The following DOCK3 variants were observed in gnomAD, a reference collection of about 807,000 sequenced individuals.
DOCK3 encodes the protein dedicator of cytokinesis protein 3.
DOCK3 carries 60 observed loss-of-function variants against 265.6 expected under a neutral mutation model. That is an observed-to-expected ratio of 0.23 (90% CI 0.18 to 0.28). The LOEUF (loss-of-function observed/expected upper bound fraction) is 0.28, where lower values mean the gene tolerates loss of function less well. Ranked by LOEUF, DOCK3 falls within the 10% of genes least tolerant of loss-of-function variation. The pLI, the probability that DOCK3 is intolerant of heterozygous loss-of-function variation, is 1.00. For synonymous variants in DOCK3, 881 were observed against 938.0 expected, an observed-to-expected ratio of 0.94 and a Z score of 1.11; for missense variants, 1,981 against 2,594.3, an observed-to-expected ratio of 0.76 and a Z score of 5.14.
In DOCK3 at chr3:51,381,498, C is replaced by T. The variant is rs782578329; in HGVS notation, c.6032C>T (p.Pro2011Leu). The change falls in exon 53 of 53, where the codon CCT (proline) becomes CTT (leucine). Residue 2011 changes from proline to leucine, a missense_variant. Pro to Leu is a moderately conservative substitution (Grantham distance 98, BLOSUM62 -3). Coordinates refer to ENST00000266037, the MANE Select transcript of DOCK3 (RefSeq NM_004947.5). The surrounding 1 kb of genome is among the most constrained non-coding windows in gnomAD (Gnocchi z 5.6). ...RGLHRKAPLP[P>L]GSAKEEQARM... ...CTGCACCGCAAGGCTCCATTGCCTC[C>T]TGGGAGCGCTAAGGAGGAGCAGGCC... The T allele has an allele frequency of 1.5e-5, 24 of 1,583,256 alleles. No individual in the cohort carries two copies. The South Asian group carries it at 2.7e-4, about 18-fold the overall frequency.
chr3:51,343,083 A>G (rs183907152), intron 38 of DOCK3, among the ~76,000 whole-genome samples: 2 of 152,200 alleles, frequency 1.3e-5, no homozygotes, highest in Non-Finnish European at 2.9e-5. Context: ...GGTTTTCAAG[A>G]AGAAAACCAT....
chr3:51,011,642 T>G (rs2078956027), intron 5 of DOCK3, among the ~76,000 whole-genome samples: 1 of 152,234 alleles, frequency 6.6e-6, no homozygotes, highest in South Asian at 2.1e-4. Flanking sequence ...TCATTCTCTA[T>G]CCAGCTTTGT....
At chr3:50,869,661 C>T (rs1475908892) in intron 3 of DOCK3, among the ~76,000 whole-genome samples, 1 of 151,344 alleles carries the variant, frequency 6.6e-6, no homozygotes, top group Admixed American at 6.6e-5. Flanking sequence ...TGTGAGCCAC[C>T]ATGTGCGACC....
At chr3:51,039,280 G>A (rs2080390146) in intron 5 of DOCK3, among the ~76,000 whole-genome samples, 1 of 152,160 alleles carries the variant, frequency 6.6e-6, no homozygotes, top group South Asian at 2.1e-4. Context: ...ATAGGGGTGA[G>A]CCACCGTACC....
Position 51,228,103 on chromosome 3 carries a change from T to C in DOCK3, c.1647+15T>C. On this transcript the variant is annotated intron_variant, in intron 17 of 52. Coordinates refer to ENST00000266037, the MANE Select transcript of DOCK3 (RefSeq NM_004947.5). ...ATGTGTACAAGGTATGAAGCCTAGC[T>C]GCCTTTCATCCCCACCCCTTACCTG... 1 of 1,613,148 alleles carries C rather than the reference T, an allele frequency of 6.2e-7. No individual in the cohort carries two copies. The highest frequency in any genetic ancestry group is 1.3e-5 in the African/African-American group (1 of 75,042).
chr3:51,354,224 C>CT (rs2086203473), intron 40 of DOCK3, among the ~76,000 whole-genome samples: 1 of 150,776 alleles, frequency 6.6e-6, no homozygotes, highest in Admixed American at 6.6e-5. Flanking sequence ...ATCACCACCC[C>CT]CCCCCCATTT....
chr3:51,271,327 C>G (rs368719773), intron 24 of DOCK3, among the ~76,000 whole-genome samples: 5 of 152,264 alleles, frequency 3.3e-5, no homozygotes, highest in Admixed American at 2.0e-4. Context: ...TCTCATAGTT[C>G]TGGAGGTTAG....
intron 12 of DOCK3, among the ~76,000 whole-genome samples, chr3:51,207,121 A>G (rs545087880): frequency 1.8e-4 from 27 of 152,188 alleles, no homozygotes; most frequent in Non-Finnish European, 3.7e-4. Context: ...TTGTAGGGTA[A>G]GAAGGAAATG....
At chr3:50,848,379 G>A (rs2046193885) in intron 3 of DOCK3, among the ~76,000 whole-genome samples, 1 of 152,180 alleles carries the variant, frequency 6.6e-6, no homozygotes. Context: ...CTAATGTGTA[G>A]TTGCTTTATA....
intron 2 of DOCK3, among the ~76,000 whole-genome samples, chr3:50,786,159 G>C (rs1248869327): frequency 1.3e-4 from 19 of 151,916 alleles, no homozygotes; most frequent in Admixed American, 1.2e-3. Context: ...AATATCTCTT[G>C]TTTTGTTTCT....
chr3:51,081,165 T>C (rs1335669723), intron 7 of DOCK3, among the ~76,000 whole-genome samples: 3 of 152,162 alleles, frequency 2.0e-5, no homozygotes, highest in Non-Finnish European at 4.4e-5. Context: ...TGTACTTCTC[T>C]TTTATATAGG....
At chr3:51,334,970 C>G (rs2084767198) in intron 35 of DOCK3, among the ~76,000 whole-genome samples, 1 of 152,158 alleles carries the variant, frequency 6.6e-6, no homozygotes, top group Non-Finnish European at 1.5e-5. Flanking sequence ...CCTTTACTCA[C>G]TTCTCCAGAC....
intron 5 of DOCK3, among the ~76,000 whole-genome samples, chr3:51,029,973 C>T (rs1277802276): frequency 3.7e-5 from 5 of 135,668 alleles, no homozygotes; most frequent in Non-Finnish European, 8.0e-5. Context: ...GACACGGGGT[C>T]GGGGGGTGGG....
At chr3:51,309,428 AC>A (rs1241806978) in intron 27 of DOCK3, among the ~76,000 whole-genome samples, 1 of 152,186 alleles carries the variant, frequency 6.6e-6, no homozygotes, top group Non-Finnish European at 1.5e-5. Flanking sequence ...CCAAAAAAAT[AC>A]GAAAACCAGT....
chr3:50,707,742 T>C (rs2036506151), intron 1 of DOCK3, among the ~76,000 whole-genome samples: 1 of 152,064 alleles, frequency 6.6e-6, no homozygotes, highest in Non-Finnish European at 1.5e-5. Flanking sequence ...AGTGGTGGGC[T>C]GAGTGGGCAT....
At chr3:50,747,067 T>TC (rs2039492453) in intron 1 of DOCK3, among the ~76,000 whole-genome samples, 1 of 152,232 alleles carries the variant, frequency 6.6e-6, no homozygotes, top group South Asian at 2.1e-4. Flanking sequence ...GGCATTCCTT[T>TC]CCCCACTGGA....
At chr3:51,277,196 C>G (rs768870392) in intron 25 of DOCK3, among the ~76,000 whole-genome samples, 1 of 152,224 alleles carries the variant, frequency 6.6e-6, no homozygotes, top group Non-Finnish European at 1.5e-5. Flanking sequence ...AGCTGCCACA[C>G]CCTGTAGTGT....
intron 23 of DOCK3, among the ~76,000 whole-genome samples, chr3:51,269,055 T>C (rs568919838): frequency 6.6e-5 from 10 of 151,582 alleles, no homozygotes; most frequent in African/African-American, 1.7e-4. Context: ...AATCAGACCT[T>C]CTTCTTTGGT....
At position 51,383,573 on chromosome 3, in the gene DOCK3, A is replaced by G. The variant is rs1229732683; in HGVS notation, c.*2014A>G. On this transcript the variant is annotated 3_prime_UTR_variant, in exon 53 of 53. Transcript: ENST00000266037. ...AGCTACCTTCTCCACTTGGTGGCACAAGAGGTAGGGAGGGGAGTATGGGTT... is the reference window on the plus strand; with the variant it reads ...AGCTACCTTCTCCACTTGGTGGCACGAGAGGTAGGGAGGGGAGTATGGGTT... 3 of 152,306 alleles carry G rather than the reference A, an allele frequency of 2.0e-5. No homozygotes were observed. Among genetic ancestry groups the G allele is most frequent in the Non-Finnish European group, 4.4e-5 (3 of 68,034 alleles). 9.4% of individuals were successfully genotyped at this position (152,306 alleles called of 1,614,324 possible).
Sources: allele counts gnomAD v4.1 joint callset (sites outside exome capture counted in the v4.1 genomes callset), GRCh38; gene constraint gnomAD v4.1.1; non-coding constraint Gnocchi (gnomAD v3.1); transcripts MANE v1.5; gene names NCBI Gene and HGNC (gene_info 2026-07-23, HGNC 2026-07-21).